Variants in DET1 observed in about 807,000 individuals in gnomAD.
The protein encoded by DET1 is DET1 homolog.
In DET1, 22 loss-of-function variants were observed where a neutral mutation model predicts 43.7. That is an observed-to-expected ratio of 0.50 (90% CI 0.36 to 0.72). DET1 has a LOEUF of 0.72. Ranked by LOEUF, DET1 falls within the 30% of genes least tolerant of loss-of-function variation. The pLI, the probability that DET1 is intolerant of heterozygous loss-of-function variation, is 0.00. For missense variants in DET1, 713 were observed against 713.3 expected, an observed-to-expected ratio of 1.00 and a Z score of 0.00; for synonymous variants, 315 against 266.2, an observed-to-expected ratio of 1.18 and a Z score of -1.79.
At position 88,516,835 on chromosome 15, in the gene DET1, G is replaced by A; in HGVS notation, c.1410C>T (p.Asp470=). ...YLDLSLFSYD[D]KWVSVMERPK... is the part of the protein sequence containing the mutation. ...GCCGCTCCATGACAGATACCCACTT[G>A]TCATCATAACTGAAGAGAGACAAAT... The change falls in exon 4 of 5, where the codon GAC becomes GAT. Residue 470 remains aspartate (D), a synonymous_variant. Transcript: ENST00000268148. The surrounding 1 kb of genome is among the most constrained non-coding windows in gnomAD (Gnocchi z 4.4). 6.2e-7 allele frequency: 1 copy of A among 1,609,652 alleles called. No homozygotes were observed. The highest frequency in any genetic ancestry group is 1.1e-5 in the South Asian group (1 of 89,990).
chr15:88,503,810 C>G (rs2056111371), intron 8 of DET1: 1 of 152,104 alleles, frequency 6.6e-6, no homozygotes, highest in Non-Finnish European at 1.5e-5. Context: ...CCAGCCTGGA[C>G]AACATAGGAA....
chr15:88,534,785 T>C (rs559394918), intron 1 of DET1, among the ~76,000 whole-genome samples: 1 of 152,282 alleles, frequency 6.6e-6, no homozygotes, highest in African/African-American at 2.4e-5. Flanking sequence ...GAGTTACAAA[T>C]TGCAAATTCC....
chr15:88,502,361 A>G (rs910632158), intron 8 of DET1: 3 of 152,190 alleles, frequency 2.0e-5, no homozygotes, highest in African/African-American at 7.2e-5. Flanking sequence ...TCTTTCAACA[A>G]TTAATTAAAA....
At chr15:88,511,515 T>C (rs1346747014), downstream of DET1, 4 of 985,410 alleles carry the variant, frequency 4.1e-6, no homozygotes, top group Admixed American at 1.2e-4. Flanking sequence ...ACATTCCCAT[T>C]GATCCAACTC....
At chr15:88,509,261 C>G (rs1411616443), downstream of DET1, among the ~76,000 whole-genome samples, 1 of 152,132 alleles carries the variant, frequency 6.6e-6, no homozygotes, top group Non-Finnish European at 1.5e-5. Context: ...AGCAATCCTC[C>G]CACCTTGGCC....
downstream of DET1, among the ~76,000 whole-genome samples, chr15:88,509,308 G>T (rs1333698992): frequency 6.6e-6 from 1 of 152,208 alleles, no homozygotes; most frequent in Non-Finnish European, 1.5e-5. Context: ...GAGCCACCAA[G>T]CCTGGCCTAC....
At chr15:88,512,111 C>T (rs922631972), downstream of DET1, among the ~76,000 whole-genome samples, 6 of 152,208 alleles carry the variant, frequency 3.9e-5, no homozygotes, top group African/African-American at 9.6e-5. Flanking sequence ...GGGACACCTG[C>T]GGCTTGCCAG....
At chr15:88,546,066 T>G (rs1383154156) in intron 1 of DET1, among the ~76,000 whole-genome samples, 1 of 152,080 alleles carries the variant, frequency 6.6e-6, no homozygotes, top group African/African-American at 2.4e-5. Flanking sequence ...TTGTTTTAAC[T>G]AGACCCCCCC....
chr15:88,542,290 A>C (rs1377510233), intron 1 of DET1, among the ~76,000 whole-genome samples: 1 of 152,090 alleles, frequency 6.6e-6, no homozygotes, highest in African/African-American at 2.4e-5. Context: ...CACCCGGCCT[A>C]ATTGGGACCC....
At chr15:88,542,564 T>C (rs1195743567) in intron 1 of DET1, among the ~76,000 whole-genome samples, 1 of 152,082 alleles carries the variant, frequency 6.6e-6, no homozygotes, top group Admixed American at 6.6e-5. Context: ...AAGAGAAAGC[T>C]CCAGAAACTG....
chr15:88,541,771 C>T (rs2057112283), intron 1 of DET1, among the ~76,000 whole-genome samples: 1 of 152,226 alleles, frequency 6.6e-6, no homozygotes, highest in Non-Finnish European at 1.5e-5. Flanking sequence ...ATTCACAATT[C>T]CACCTCCAAA....
At chr15:88,508,120 T>C (rs1001340227), downstream of DET1, among the ~76,000 whole-genome samples, 2 of 152,226 alleles carry the variant, frequency 1.3e-5, no homozygotes, top group Non-Finnish European at 1.5e-5. Flanking sequence ...CAGATGGGAA[T>C]GTCTAGTTGC....
At chr15:88,511,903 A>G (rs550708335), downstream of DET1, among the ~76,000 whole-genome samples, 3 of 152,260 alleles carry the variant, frequency 2.0e-5, no homozygotes, top group Non-Finnish European at 2.9e-5. Context: ...TCTGGAACCC[A>G]ACATTTCAAA....
At chr15:88,528,362 C>T (rs1197189948) in intron 2 of DET1, among the ~76,000 whole-genome samples, 1 of 152,198 alleles carries the variant, frequency 6.6e-6, no homozygotes, top group African/African-American at 2.4e-5. Flanking sequence ...TTAAGTACAT[C>T]GAGTTCTAAA....
chr15:88,521,334 T>C (rs1349851088), intron 3 of DET1, among the ~76,000 whole-genome samples: 1 of 152,236 alleles, frequency 6.6e-6, no homozygotes, highest in African/African-American at 2.4e-5. Context: ...ACAACTCTAC[T>C]AGGAAAACTG....
Position 88,527,151 on chromosome 15 carries a change from C to G in DET1, c.1271+448G>C, listed in dbSNP as rs1074526. Among the ~76,000 whole-genome samples the G allele has an allele frequency of 9.9e-4, 150 of 152,186 alleles. 1 individual carries two copies. The highest frequency in any genetic ancestry group is 3.4e-3 in the African/African-American group (140 of 41,486). ...TCCTATTCTCTTTGTTCTTACAGAA[C>G]AAAGAGTTCTATACTTTGTTTATAC... On this transcript the variant is annotated intron_variant, in intron 3 of 4. Coordinates refer to ENST00000268148, the MANE Select transcript of DET1 (RefSeq NM_001144074.3).
At position 88,531,760 on chromosome 15, in the gene DET1, T is replaced by G; in HGVS notation, c.-10-45A>C. The G allele has an allele frequency of 6.6e-7, 1 of 1,526,512 alleles. No individual in the cohort carries two copies. Among genetic ancestry groups the G allele is most frequent in the Non-Finnish European group, 8.8e-7 (1 of 1,133,308 alleles). The allele number at this position is 1,526,512 out of a possible 1,614,324, so 94.6% of individuals were successfully genotyped here. ...AGAAGTCAAGAAAGTGAAACAGAAT[T>G]TACCAAAATATAAATATATACAAGT... On this transcript the variant is annotated intron_variant, in intron 1 of 4. Coordinates refer to ENST00000268148, the MANE Select transcript of DET1 (RefSeq NM_001144074.3). This position sits in a 1 kb window ranked among gnomAD's most constrained non-coding sequence, Gnocchi z 6.2.
At chr15:88,512,321 C>T, downstream of DET1, 1 of 984,480 alleles carries the variant, frequency 1.0e-6, no homozygotes, top group Non-Finnish European at 1.2e-6. Context: ...ACAATCCTGG[C>T]AGATAACTGT....
rs2056801767 is a variant in DET1 at position 88,531,139 on chromosome 15, T to C, written c.567A>G (p.Glu189=). The C allele has an allele frequency of 1.2e-6, 2 of 1,613,816 alleles. No homozygotes were observed. The highest frequency in any genetic ancestry group is 3.3e-5 in the Admixed American group (2 of 60,000). Residue 189 remains glutamate, a synonymous_variant, in exon 2 of 5, where the codon GAA becomes GAG. Coordinates refer to ENST00000268148, the MANE Select transcript of DET1 (RefSeq NM_001144074.3). This position sits in a 1 kb window ranked among gnomAD's most constrained non-coding sequence, Gnocchi z 6.2. ...SVTPNPRSPL[E]DYSLHIIDLH... is the part of the protein sequence containing the mutation. Reference sequence around the variant, plus strand: ...GGTCAATGATATGGAGGGAATAGTCTTCTAGAGGGGACCGTGGGTTGGGGG... The same window carrying C: ...GGTCAATGATATGGAGGGAATAGTCCTCTAGAGGGGACCGTGGGTTGGGGG...
Sources: allele counts gnomAD v4.1 joint callset (sites outside exome capture counted in the v4.1 genomes callset), GRCh38; gene constraint gnomAD v4.1.1; non-coding constraint Gnocchi (gnomAD v3.1); transcripts MANE v1.5; gene names NCBI Gene and HGNC (gene_info 2026-07-23, HGNC 2026-07-21).